The following MEGF10 variants were observed in gnomAD, a reference collection of about 807,000 sequenced individuals.
MEGF10 encodes the protein multiple epidermal growth factor-like domains protein 10.
Under a neutral mutation model 147.5 loss-of-function variants are expected in MEGF10, and 86 were observed. The ratio of observed to expected loss-of-function variants is 0.58; its 90% CI spans 0.49 to 0.70. The LOEUF (loss-of-function observed/expected upper bound fraction) is 0.70, where lower values mean the gene tolerates loss of function less well. MEGF10 is among the 30% of genes least tolerant of loss of function. MEGF10 has a pLI of 0.00. For synonymous variants in MEGF10, 478 were observed against 525.5 expected, an observed-to-expected ratio of 0.91 and a Z score of 1.24; for missense variants, 1,329 against 1,487.3, an observed-to-expected ratio of 0.89 and a Z score of 1.75.
intron 13 of MEGF10, among the ~76,000 whole-genome samples, chr5:127,430,818 G>A (rs1220606759): frequency 6.6e-6 from 1 of 152,208 alleles, no homozygotes; most frequent in East Asian, 1.9e-4. Context: ...TTAGGCATTA[G>A]TATCTGCAAA....
At chr5:127,345,006 A>C (rs1761829259) in intron 4 of MEGF10, among the ~76,000 whole-genome samples, 1 of 152,200 alleles carries the variant, frequency 6.6e-6, no homozygotes, top group African/African-American at 2.4e-5. Context: ...GTAGCTCAGA[A>C]AGATCCTGAA....
chr5:127,313,110 T>A (rs758955777), intron 1 of MEGF10, among the ~76,000 whole-genome samples: 16 of 152,178 alleles, frequency 1.1e-4, no homozygotes, highest in Non-Finnish European at 1.8e-4. Flanking sequence ...AGCTGAAAAC[T>A]TTCTCTTTAG....
At chr5:127,306,258 G>C (rs998884831) in intron 1 of MEGF10, among the ~76,000 whole-genome samples, 1 of 152,152 alleles carries the variant, frequency 6.6e-6, no homozygotes, top group Non-Finnish European at 1.5e-5. Context: ...GTGGCTGACT[G>C]TGCCCTCTCT....
At chr5:127,288,367 T>G (rs1759096599), upstream of MEGF10, among the ~76,000 whole-genome samples, 1 of 152,064 alleles carries the variant, frequency 6.6e-6, no homozygotes, top group Admixed American at 6.5e-5. Context: ...GCCTGGTATA[T>G]AAAGAACTCC....
At chr5:127,363,664 G>A (rs762592954) in intron 4 of MEGF10, among the ~76,000 whole-genome samples, 2 of 152,148 alleles carry the variant, frequency 1.3e-5, no homozygotes, top group Admixed American at 6.5e-5. Flanking sequence ...TGTACAATTG[G>A]CAATGTCTGC....
Position 127,433,012 on chromosome 5 carries a change from G to A in MEGF10, c.1694-351G>A, listed in dbSNP as rs78444957. On this transcript the variant is annotated intron_variant, in intron 13 of 24. Coordinates refer to ENST00000503335, the MANE Select transcript of MEGF10 (RefSeq NM_001256545.2). ...ATTTCTCTGTGAAAACAAAGAATGG[G>A]AGGAGGAGGAGGAAGTCACCAAGGG... Among the ~76,000 whole-genome samples, 1,273 of 152,216 alleles carry A rather than the reference G, an allele frequency of 8.4e-3. 17 individuals carry two copies. The highest frequency in any genetic ancestry group is 0.03 in the African/African-American group (1,227 of 41,538).
chr5:127,288,230 C>A (rs977843508), upstream of MEGF10, among the ~76,000 whole-genome samples: 2 of 151,956 alleles, frequency 1.3e-5, no homozygotes, highest in African/African-American at 2.4e-5. Flanking sequence ...CACACACACA[C>A]AAAAACACGC....
At chr5:127,420,296 A>G in intron 12 of MEGF10, 89 bp downstream of exon 12, 5 of 1,462,834 alleles carry the variant, frequency 3.4e-6, no homozygotes, top group Non-Finnish European at 4.6e-6. Flanking sequence ...CCTGACTTCA[A>G]GTGGCTCACT....
At chr5:127,409,372 C>T (rs1172793704) in intron 8 of MEGF10, among the ~76,000 whole-genome samples, 2 of 152,202 alleles carry the variant, frequency 1.3e-5, no homozygotes, top group Non-Finnish European at 2.9e-5. Flanking sequence ...ACCCTTCTTG[C>T]GGCAAGTGCT....
chr5:127,230,808 A>AT, the MEGF10 span, among the ~76,000 whole-genome samples: 548 of 152,170 alleles, frequency 3.6e-3, 2 homozygotes, highest in African/African-American at 0.012. Context: ...ATCTTGTGTT[A>AT]TTTTCTTAAT....
At position 127,455,469 on chromosome 5, in the gene MEGF10, A is replaced by G. The variant is rs747789433; in HGVS notation, c.3094A>G (p.Thr1032Ala). The change falls in exon 24 of 25, where the codon ACT (threonine) becomes GCT (alanine). Residue 1032 changes from threonine to alanine, a missense_variant. Physicochemically the swap from Thr to Ala is moderately conservative, Grantham distance 58. Around this residue, in one of 3 missense-constraint regions of MEGF10, gnomAD observed 343 missense variants for 377.9 expected, o/e 0.91. Transcript: ENST00000503335. ...AAGCAGTTCTGAGAACCCATATGCC[A>G]CTATTAAAGACCCACCTGTACTTAT... is the stretch of plus-strand genomic sequence containing the variant. ...SLSSSENPYATIKDPPVLIPK... is the reference protein window; with the variant it reads ...SLSSSENPYAAIKDPPVLIPK... The G allele has an allele frequency of 3.1e-6, 5 of 1,614,114 alleles. No individual in the cohort carries two copies. Among genetic ancestry groups the G allele is most frequent in the Non-Finnish European group, 3.4e-6 (4 of 1,180,000 alleles).
At chr5:127,380,294 C>A (rs1763200610) in intron 5 of MEGF10, among the ~76,000 whole-genome samples, 1 of 152,096 alleles carries the variant, frequency 6.6e-6, no homozygotes, top group Non-Finnish European at 1.5e-5. Flanking sequence ...TAAGACACTG[C>A]CTCTTCTTTT....
At chr5:127,394,883 A>G (rs1310657291) in intron 5 of MEGF10, among the ~76,000 whole-genome samples, 1 of 152,208 alleles carries the variant, frequency 6.6e-6, no homozygotes, top group Non-Finnish European at 1.5e-5. Flanking sequence ...TAATGAGACC[A>G]AAGTCATACT....
intron 8 of MEGF10, among the ~76,000 whole-genome samples, chr5:127,407,144 G>A (rs1432031521): frequency 3.9e-5 from 6 of 152,208 alleles, no homozygotes; most frequent in South Asian, 2.1e-4. Flanking sequence ...TCTTTCCTGT[G>A]TCTAGGAGCG....
intron 5 of MEGF10, among the ~76,000 whole-genome samples, chr5:127,395,144 G>A (rs1763852580): frequency 6.6e-6 from 1 of 152,064 alleles, no homozygotes; most frequent in Non-Finnish European, 1.5e-5. Flanking sequence ...GATTTTTATA[G>A]CATCTAATAA....
chr5:127,358,597 C>T (rs1220950587), intron 4 of MEGF10, among the ~76,000 whole-genome samples: 1 of 152,186 alleles, frequency 6.6e-6, no homozygotes. Context: ...ATAGAAGCGT[C>T]ATGCTTTCCT....
chr5:127,386,441 T>C (rs758279253), intron 5 of MEGF10, among the ~76,000 whole-genome samples: 3 of 152,206 alleles, frequency 2.0e-5, no homozygotes, highest in Non-Finnish European at 4.4e-5. Context: ...TTTTTGTTTA[T>C]TTCTCCTTTC....
the MEGF10 span, among the ~76,000 whole-genome samples, chr5:127,274,447 T>C: frequency 6.6e-6 from 1 of 152,158 alleles, no homozygotes; most frequent in African/African-American, 2.4e-5. Flanking sequence ...AGATCTATGC[T>C]GAAGCATTTA....
At chr5:127,402,948 A>G (rs1458386385) in intron 8 of MEGF10, among the ~76,000 whole-genome samples, 1 of 152,238 alleles carries the variant, frequency 6.6e-6, no homozygotes, top group African/African-American at 2.4e-5. Flanking sequence ...ACCCATGATG[A>G]AAATGTCATT....
Sources: gnomAD v4.1 joint callset for allele counts (sites outside exome capture counted in the v4.1 genomes callset) on GRCh38, gnomAD v4.1.1 for gene constraint, gnomAD v4.1.1 regional missense constraint, MANE v1.5 for transcripts, NCBI Gene and HGNC (gene_info 2026-07-23, HGNC 2026-07-21) for gene names.